The following TEX36 variants were observed in gnomAD, a reference collection of about 807,000 sequenced individuals.
TEX36 encodes the protein testis-expressed protein 36.
In TEX36, 12 loss-of-function variants were observed where a neutral mutation model predicts 13.6. The observed-to-expected ratio is 0.88, with a 90% CI of 0.56 to 1.43. The LOEUF is 1.43. TEX36 is among the 40% of genes most tolerant of loss of function. TEX36 has a pLI of 0.00. For missense variants in TEX36, 224 were observed against 228.3 expected, an observed-to-expected ratio of 0.98 and a Z score of 0.12; for synonymous variants, 93 against 83.0, an observed-to-expected ratio of 1.12 and a Z score of -0.65.
At chr10:125,678,565 C>T (rs950509289) in intron 1 of TEX36, among the ~76,000 whole-genome samples, 2 of 152,124 alleles carry the variant, frequency 1.3e-5, no homozygotes, top group African/African-American at 4.8e-5. Context: ...GGTGGGTTCT[C>T]AGGCCCCTAG....
At chr10:125,679,251 G>C (rs187681814) in intron 1 of TEX36, among the ~76,000 whole-genome samples, 120 of 151,588 alleles carry the variant, frequency 7.9e-4, no homozygotes, top group African/African-American at 2.7e-3. Context: ...TGCAGCTGCA[G>C]CCCGTGCCTC....
chr10:125,655,923 C>A lies in TEX36; in HGVS notation c.538G>T (p.Val180Phe). 2.6e-6 allele frequency: 4 copies of A among 1,531,182 alleles called. No individual in the cohort carries two copies. Among genetic ancestry groups the A allele is most frequent in the Non-Finnish European group, 3.5e-6 (4 of 1,137,086 alleles). 94.8% of individuals were successfully genotyped at this position (1,531,182 alleles called of 1,614,324 possible). ...GATTAGGACTCCAGTGAAGAAACAA[C>A]CTTTTTGTCAACAGTGAACCTTACT... The part of the protein sequence containing the change: ...PKVRFTVDKK[V>F]VSSLES Residue 180 changes from valine to phenylalanine, a missense_variant, in exon 4 of 4, where the codon GTT becomes TTT. Coordinates refer to ENST00000368821, the MANE Select transcript of TEX36 (RefSeq NM_001128202.3).
intron 3 of TEX36, among the ~76,000 whole-genome samples, chr10:125,594,011 G>T (rs900357347): frequency 2.6e-5 from 4 of 152,218 alleles, no homozygotes. Flanking sequence ...ACACGGAGTA[G>T]CACAGGAGAC....
intron 3 of TEX36, among the ~76,000 whole-genome samples, chr10:125,577,211 A>T (rs1003052627): frequency 4.6e-5 from 7 of 152,168 alleles, no homozygotes; most frequent in Non-Finnish European, 7.3e-5. Flanking sequence ...AACAGTAAAT[A>T]TCAGGCTGGG....
At chr10:125,604,294 C>G (rs1047913269) in intron 3 of TEX36, among the ~76,000 whole-genome samples, 4 of 152,194 alleles carry the variant, frequency 2.6e-5, no homozygotes, top group African/African-American at 9.6e-5. Flanking sequence ...TCCCTGCCCC[C>G]TGTCAGATCT....
intron 3 of TEX36, among the ~76,000 whole-genome samples, chr10:125,648,243 G>A (rs569924985): frequency 1.3e-5 from 2 of 152,348 alleles, no homozygotes; most frequent in East Asian, 3.9e-4. Flanking sequence ...CTCACTGGGA[G>A]ACACCTACCA....
At chr10:125,621,920 G>C (rs534376545) in intron 3 of TEX36, among the ~76,000 whole-genome samples, 2 of 152,142 alleles carry the variant, frequency 1.3e-5, no homozygotes, top group African/African-American at 2.4e-5. Context: ...CGTTCTAGCC[G>C]CACTGGCAGC....
chr10:125,579,533 G>C (rs1469612181), intron 3 of TEX36, among the ~76,000 whole-genome samples: 4 of 152,172 alleles, frequency 2.6e-5, no homozygotes, highest in Non-Finnish European at 5.9e-5. Context: ...CATGTCACTT[G>C]CTTTCTCATT....
intron 3 of TEX36, among the ~76,000 whole-genome samples, chr10:125,646,329 A>T (rs907316796): frequency 6.6e-6 from 1 of 152,208 alleles, no homozygotes; most frequent in Non-Finnish European, 1.5e-5. Flanking sequence ...CTGTCTCAAG[A>T]CCAACAAAAC....
At chr10:125,606,161 A>T (rs1846213440) in intron 3 of TEX36, among the ~76,000 whole-genome samples, 1 of 152,188 alleles carries the variant, frequency 6.6e-6, no homozygotes, top group African/African-American at 2.4e-5. Flanking sequence ...ATATAAGTAG[A>T]AAAAGAGAAA....
At chr10:125,664,013 T>A (rs1023405213) in intron 1 of TEX36, among the ~76,000 whole-genome samples, 1 of 152,196 alleles carries the variant, frequency 6.6e-6, no homozygotes, top group Non-Finnish European at 1.5e-5. Flanking sequence ...TTTCCTAGCC[T>A]CTGATAACCA....
chr10:125,643,014 G>T (rs1386147130), intron 3 of TEX36, among the ~76,000 whole-genome samples: 2 of 152,222 alleles, frequency 1.3e-5, no homozygotes, highest in Non-Finnish European at 2.9e-5. Flanking sequence ...TGCTGGCATG[G>T]AGGCAGTGAA....
chr10:125,586,841 G>C (rs1845959753), intron 3 of TEX36, among the ~76,000 whole-genome samples: 1 of 151,982 alleles, frequency 6.6e-6, no homozygotes, highest in East Asian at 1.9e-4. Flanking sequence ...GCTTGGATCT[G>C]TGTCCCCACC....
intron 3 of TEX36, among the ~76,000 whole-genome samples, chr10:125,598,477 G>A (rs1200968941): frequency 6.6e-6 from 1 of 152,136 alleles, no homozygotes; most frequent in African/African-American, 2.4e-5. Flanking sequence ...CTAGGAAGAG[G>A]ATCCTTGGAA....
chr10:125,633,242 G>T (rs1846581268), intron 3 of TEX36, among the ~76,000 whole-genome samples: 1 of 152,182 alleles, frequency 6.6e-6, no homozygotes, highest in African/African-American at 2.4e-5. Flanking sequence ...TAGGTGGAAA[G>T]ACCTGATGAG....
At chr10:125,638,157 C>A (rs1846642220) in intron 3 of TEX36, among the ~76,000 whole-genome samples, 1 of 148,646 alleles carries the variant, frequency 6.7e-6, no homozygotes, top group Non-Finnish European at 1.5e-5. Context: ...ATGTGACAAC[C>A]CCCTCCCCCA....
chr10:125,588,905 G>A (rs941931919), intron 3 of TEX36, among the ~76,000 whole-genome samples: 1 of 151,826 alleles, frequency 6.6e-6, no homozygotes, highest in African/African-American at 2.4e-5. Flanking sequence ...CGTGAGCCAC[G>A]GCACCCAACA....
chr10:125,597,010 T>C (rs756405731), intron 3 of TEX36, among the ~76,000 whole-genome samples: 11 of 152,206 alleles, frequency 7.2e-5, no homozygotes, highest in Non-Finnish European at 1.0e-4. Context: ...CTTTGCAACA[T>C]TGCTAGAACA....
At chr10:125,591,282 G>A (rs1182069315) in intron 3 of TEX36, among the ~76,000 whole-genome samples, 1 of 152,152 alleles carries the variant, frequency 6.6e-6, no homozygotes, top group East Asian at 1.9e-4. Context: ...TTAATTACTG[G>A]ACTCTCCTCT....
Sources: gnomAD v4.1 joint callset for allele counts (sites outside exome capture counted in the v4.1 genomes callset) on GRCh38, gnomAD v4.1.1 for gene constraint, MANE v1.5 for transcripts, NCBI Gene and HGNC (gene_info 2026-07-23, HGNC 2026-07-21) for gene names.